LRRFIP1: variants seen among roughly 807,000 people sequenced by gnomAD.
LRRFIP1 encodes the protein leucine-rich repeat flightless-interacting protein 1.
In LRRFIP1, 62 loss-of-function variants were observed where a neutral mutation model predicts 104.4. That is an observed-to-expected ratio of 0.59 (90% CI 0.48 to 0.73). The LOEUF is 0.73. Among genes scored for constraint, LRRFIP1 ranks in the 30% least tolerant of loss-of-function variants. LRRFIP1 has a pLI of 0.00. For missense variants in LRRFIP1, 796 were observed against 824.5 expected, an observed-to-expected ratio of 0.97 and a Z score of 0.42; for synonymous variants, 300 against 299.0, an observed-to-expected ratio of 1.00 and a Z score of -0.03.
At chr2:237,763,722 T>G (rs2060085952) in intron 19 of LRRFIP1, 1 of 1,613,996 alleles carries the variant, frequency 6.2e-7, no homozygotes, top group Non-Finnish European at 8.5e-7. Flanking sequence ...GCTGAGGAGG[T>G]ACTAGCTGAT....
At chr2:237,754,130 A>C (rs544133241) in intron 15 of LRRFIP1, among the ~76,000 whole-genome samples, 1 of 152,364 alleles carries the variant, frequency 6.6e-6, no homozygotes, top group African/African-American at 2.4e-5. Flanking sequence ...AGGTGCGATC[A>C]GATGCTTCAA....
At position 237,680,183 on chromosome 2, in the gene LRRFIP1, G is replaced by GA. The variant is rs549589302; in HGVS notation, c.97-28352dup. 3.0e-4 allele frequency among the ~76,000 whole-genome samples: 45 copies of GA among 150,796 alleles called. No homozygotes were observed. In the South Asian group the frequency reaches 8.0e-3, roughly 27 times the overall value. ...CCCATCTCAAATCAAAAATATTTGGGAAAAAAAAAGGCTGGGTGCAGTGGC... is the reference window on the plus strand; with the variant it reads ...CCCATCTCAAATCAAAAATATTTGGGAAAAAAAAAAGGCTGGGTGCAGTGGC... On this transcript the variant is annotated intron_variant, in intron 1 of 23. Coordinates refer to ENST00000308482, the MANE Select transcript of LRRFIP1 (RefSeq NM_001137550.2).
In LRRFIP1 at chr2:237,721,610, C is replaced by T. The variant is rs1361819186; in HGVS notation, c.345+788C>T. On this transcript the variant is annotated intron_variant, in intron 6 of 23. Transcript: ENST00000308482. ...AAAGCAGCCACTCGCTTTATTAATC[C>T]TTAGGGACCACATAGAGCTGAAGGC... 3 of 152,170 alleles carry T rather than the reference C, an allele frequency of 2.0e-5. No homozygotes were observed. In the East Asian group the frequency reaches 5.8e-4, roughly 29 times the overall value. The allele number at this position is 152,170 out of a possible 1,614,324, so 9.4% of individuals were successfully genotyped here. A position where few individuals can be genotyped will look rare whatever the true frequency, so the allele number is the denominator to read the frequency against.
chr2:237,704,532 G>A (rs1379091567), intron 1 of LRRFIP1, among the ~76,000 whole-genome samples: 3 of 152,182 alleles, frequency 2.0e-5, no homozygotes, highest in Non-Finnish European at 4.4e-5. Flanking sequence ...TTTTGTGTTC[G>A]TGAAGATGGT....
In LRRFIP1 at chr2:237,695,759, T is replaced by G. The variant is rs557415158; in HGVS notation, c.97-12785T>G. 1.5e-4 allele frequency among the ~76,000 whole-genome samples: 22 copies of G among 149,722 alleles called. No individual in the cohort carries two copies. The South Asian group carries it at 3.8e-3, about 26-fold the overall frequency. On this transcript the variant is annotated intron_variant, in intron 1 of 23. Transcript: ENST00000308482. Reference sequence around the variant, plus strand: ...GAGGCCGCCCAAATTTGTTTTTTGTTTTTTTTTTTTAAATAAAGAAGCTTG... The same window carrying G: ...GAGGCCGCCCAAATTTGTTTTTTGTGTTTTTTTTTTAAATAAAGAAGCTTG...
chr2:237,667,146 T>G (rs2089543017), intron 1 of LRRFIP1, among the ~76,000 whole-genome samples: 1 of 152,080 alleles, frequency 6.6e-6, no homozygotes, highest in Admixed American at 6.6e-5. Context: ...CCCGCATGCT[T>G]TAGGTATTTG....
At chr2:237,710,033 A>G (rs897005196) in intron 2 of LRRFIP1, among the ~76,000 whole-genome samples, 12 of 150,762 alleles carry the variant, frequency 8.0e-5, no homozygotes, top group Non-Finnish European at 4.4e-5. Context: ...TTGTATTTTT[A>G]ATAGAGACGG....
At chr2:237,694,067 TTTTTA>T (rs2093000454) in intron 1 of LRRFIP1, among the ~76,000 whole-genome samples, 1 of 152,202 alleles carries the variant, frequency 6.6e-6, no homozygotes, top group Non-Finnish European at 1.5e-5. Context: ...TTTTGTTTTG[TTTTTA>T]TAAGTTTGTG....
chr2:237,763,299 G>T, intron 19 of LRRFIP1: 2 of 1,614,144 alleles, frequency 1.2e-6, no homozygotes, highest in Non-Finnish European at 1.7e-6. Context: ...GAGGGCAACT[G>T]TCAGGAAGCG....
chr2:237,689,148 G>A (rs1349935263), intron 1 of LRRFIP1, among the ~76,000 whole-genome samples: 4 of 152,094 alleles, frequency 2.6e-5, no homozygotes, highest in South Asian at 2.1e-4. Context: ...TTAGGTTGGC[G>A]TAAAAGTATT....
intron 19 of LRRFIP1, 147 bp from the exon 20 acceptor site, chr2:237,769,796 T>C (rs1576411910): frequency 1.5e-6 from 1 of 674,086 alleles, no homozygotes; most frequent in East Asian, 2.8e-5. Context: ...CACCCCGTCC[T>C]GTCTGTGGCC....
intron 23 of LRRFIP1, 180 bp from the exon 24 acceptor site, chr2:237,779,241 TC>T: frequency 1.7e-6 from 1 of 579,884 alleles, no homozygotes; most frequent in Non-Finnish European, 2.2e-6. Context: ...ACCATCAGGA[TC>T]CCCAAGGGTG....
intron 1 of LRRFIP1, among the ~76,000 whole-genome samples, chr2:237,659,728 G>T (rs933574255): frequency 6.6e-6 from 1 of 151,372 alleles, no homozygotes; most frequent in East Asian, 1.9e-4. Flanking sequence ...TCGCTGCCTC[G>T]CTCCTGGGCT....
At chr2:237,763,358 G>C (rs756179240) in intron 19 of LRRFIP1, 2 of 1,614,056 alleles carry the variant, frequency 1.2e-6, no homozygotes, top group Non-Finnish European at 8.5e-7. Context: ...AGATATGAAA[G>C]AGCCCGATGA....
At chr2:237,750,534 G>A (rs1052640951) in intron 13 of LRRFIP1, among the ~76,000 whole-genome samples, 3 of 151,652 alleles carry the variant, frequency 2.0e-5, no homozygotes, top group African/African-American at 4.8e-5. Context: ...ACGGGGTTTC[G>A]CCATGTTGGC....
chr2:237,727,955 A>G lies in LRRFIP1; in HGVS notation c.444+20A>G, dbSNP rs758088983. On this transcript the variant is annotated intron_variant, in intron 8 of 23. Transcript: ENST00000308482. ...GGCAGGGTTAGTATAGTAAATTTGC[A>G]TGGCTCAAAATTCAAATAGGTTGTT... The G allele has an allele frequency of 5.7e-6, 9 of 1,566,310 alleles. No individual in the cohort carries two copies. The highest frequency in any genetic ancestry group is 1.4e-5 in the African/African-American group (1 of 73,230).
chr2:237,727,136 T>C (rs1295030595), intron 7 of LRRFIP1, among the ~76,000 whole-genome samples: 1 of 151,896 alleles, frequency 6.6e-6, no homozygotes, highest in Non-Finnish European at 1.5e-5. Flanking sequence ...GGCGGGCGGA[T>C]CACGAGGTCA....
intron 1 of LRRFIP1, among the ~76,000 whole-genome samples, chr2:237,652,877 CT>C (rs2086165756): frequency 1.3e-5 from 2 of 152,178 alleles, no homozygotes; most frequent in Non-Finnish European, 2.9e-5. Flanking sequence ...CCACCCAAAT[CT>C]CATGTTGAAT....
chr2:237,749,077 G>C, intron 12 of LRRFIP1, 122 bp from the exon 13 acceptor site: 1 of 1,006,672 alleles, frequency 9.9e-7, no homozygotes, highest in African/African-American at 1.6e-5. Flanking sequence ...CCGTGATCCA[G>C]TCTCCTCCCA....
Sources: gnomAD v4.1 joint callset for allele counts (sites outside exome capture counted in the v4.1 genomes callset) on GRCh38, gnomAD v4.1.1 for gene constraint, MANE v1.5 for transcripts, NCBI Gene and HGNC (gene_info 2026-07-23, HGNC 2026-07-21) for gene names.